MAGI2: variants seen among roughly 807,000 people sequenced by gnomAD.
MAGI2 encodes membrane associated guanylate kinase, WW and PDZ domain containing 2, also known as membrane-associated guanylate kinase, WW and PDZ domain-containing protein 2.
MAGI2 carries 35 observed loss-of-function variants against 133.3 expected under a neutral mutation model. The ratio of observed to expected loss-of-function variants is 0.26; its 90% CI spans 0.20 to 0.35. The LOEUF is 0.35. Among genes scored for constraint, MAGI2 ranks in the 10% least tolerant of loss-of-function variants. MAGI2 has a pLI of 1.00. For missense variants in MAGI2, 1,636 were observed against 1,863.4 expected (o/e 0.88, Z 2.25); for synonymous variants, 729 against 710.6 (o/e 1.03, Z -0.41).
At chr7:78,135,694 T>A (rs6974961) in intron 16 of MAGI2, among the ~76,000 whole-genome samples, 1 of 152,136 alleles carries the variant, frequency 6.6e-6, no homozygotes, top group African/African-American at 2.4e-5. Context: ...TCAATTTCTA[T>A]CCTTTTATTA....
chr7:78,617,597 A>G (rs1807247907), intron 3 of MAGI2: 1 of 152,096 alleles, frequency 6.6e-6, no homozygotes, highest in African/African-American at 2.4e-5. Context: ...TGAATATTCT[A>G]TAACATGATT....
intron 2 of MAGI2, among the ~76,000 whole-genome samples, chr7:78,825,524 G>T (rs1315133866): frequency 6.6e-6 from 1 of 151,978 alleles, no homozygotes; most frequent in Non-Finnish European, 1.5e-5. Context: ...TCATTTTAAG[G>T]CACTATTTAA....
rs1584284188 is a variant in MAGI2, at chr7:78,887,558, T to A, written c.418+119532A>T. 2.6e-5 allele frequency among the ~76,000 whole-genome samples: 4 copies of A among 152,344 alleles called. 1 individual carries two copies. Among genetic ancestry groups the A allele is most frequent in the Admixed American group, 2.6e-4 (4 of 15,300 alleles). On this transcript the variant is annotated intron_variant, in intron 2 of 21. Coordinates refer to ENST00000354212, the MANE Select transcript of MAGI2 (RefSeq NM_012301.4). ...TGAAAAACAAAACATGCTTTATGAA[T>A]GGCTATATCATCGTAGGTGGCCATT...
At chr7:78,042,768 C>T (rs943298569) in intron 21 of MAGI2, among the ~76,000 whole-genome samples, 6 of 152,336 alleles carry the variant, frequency 3.9e-5, no homozygotes, top group African/African-American at 1.2e-4. Context: ...CTGAAGGCCT[C>T]GGACTGGACT....
At chr7:78,086,935 C>T (rs980184119) in intron 20 of MAGI2, among the ~76,000 whole-genome samples, 14 of 152,168 alleles carry the variant, frequency 9.2e-5, no homozygotes, top group African/African-American at 3.4e-4. Context: ...TGCGTCTGGC[C>T]CTTCCTACCT....
chr7:78,955,750 T>TTTCTTTC (rs1491370881), intron 2 of MAGI2, among the ~76,000 whole-genome samples: 6 of 73,986 alleles, frequency 8.1e-5, no homozygotes, highest in African/African-American at 2.5e-4. Flanking sequence ...TCTTTCTTTC[T>TTTCTTTC]TTCTTTCTTT....
rs186131413 is a variant in MAGI2 at position 79,226,642 on chromosome 7, C to A, written c.302-219436G>T. ...CTTTCCTATCCTCCTTTATTTCTAT[C>A]TTCCATTCTTCTCTTCCACCCTTCC... On this transcript the variant is annotated intron_variant, in intron 1 of 21. Transcript: ENST00000354212. Among the ~76,000 whole-genome samples the A allele has an allele frequency of 1.9e-3, 289 of 152,248 alleles. 1 individual carries two copies. Among genetic ancestry groups the A allele is most frequent in the African/African-American group, 6.7e-3 (279 of 41,560 alleles).
intron 6 of MAGI2, among the ~76,000 whole-genome samples, chr7:78,416,188 T>A (rs906358277): frequency 6.6e-6 from 1 of 152,038 alleles, no homozygotes; most frequent in Non-Finnish European, 1.5e-5. Flanking sequence ...ACAATGAAGA[T>A]TAGCTAGTGG....
At chr7:78,283,232 ATC>A (rs1178061948) in intron 9 of MAGI2, among the ~76,000 whole-genome samples, 2 of 152,150 alleles carry the variant, frequency 1.3e-5, no homozygotes, top group South Asian at 4.1e-4. Context: ...GAAATTACGT[ATC>A]TCAAGAGTCA....
chr7:78,629,539 G>A (rs940257696), intron 2 of MAGI2, among the ~76,000 whole-genome samples: 1 of 151,866 alleles, frequency 6.6e-6, no homozygotes, highest in South Asian at 2.1e-4. Flanking sequence ...CCTTCCTTTA[G>A]TTCACCTTCA....
chr7:79,295,638 C>A (rs1836869821), intron 1 of MAGI2, among the ~76,000 whole-genome samples: 1 of 151,826 alleles, frequency 6.6e-6, no homozygotes, highest in African/African-American at 2.4e-5. Flanking sequence ...GCTTATATCA[C>A]TACTTCATTT....
At chr7:78,654,703 G>GTGTA (rs1481570513) in intron 2 of MAGI2, among the ~76,000 whole-genome samples, 7 of 118,444 alleles carry the variant, frequency 5.9e-5, no homozygotes, top group African/African-American at 1.6e-4. Flanking sequence ...TTACATATAT[G>GTGTA]TATATATATA....
intron 6 of MAGI2, among the ~76,000 whole-genome samples, chr7:78,479,929 A>G (rs1424180485): frequency 6.6e-6 from 1 of 152,000 alleles, no homozygotes; most frequent in Non-Finnish European, 1.5e-5. Flanking sequence ...CTAAATAGAA[A>G]TTACAGAATG....
chr7:78,499,383 G>C (rs1176748177), intron 5 of MAGI2, among the ~76,000 whole-genome samples: 2 of 152,128 alleles, frequency 1.3e-5, no homozygotes, highest in African/African-American at 2.4e-5. Context: ...AGAAATTGTT[G>C]ACCAAGTGTT....
chr7:79,078,955 C>T (rs1477965696), intron 1 of MAGI2, among the ~76,000 whole-genome samples: 1 of 152,100 alleles, frequency 6.6e-6, no homozygotes, highest in Non-Finnish European at 1.5e-5. Context: ...AATTAAAATA[C>T]TTCCATTCTT....
chr7:78,856,784 T>C (rs1160943754), intron 2 of MAGI2, among the ~76,000 whole-genome samples: 3 of 152,188 alleles, frequency 2.0e-5, no homozygotes, highest in African/African-American at 7.2e-5. Context: ...TCCAATTCTG[T>C]GAAGAAAGTC....
At chr7:78,594,624 A>C (rs922262271) in intron 3 of MAGI2, among the ~76,000 whole-genome samples, 1 of 152,024 alleles carries the variant, frequency 6.6e-6, no homozygotes. Context: ...TGCCCAGCTA[A>C]TTTTTGTATT....
chr7:79,007,196 A>T lies in MAGI2; in HGVS notation c.312T>A (p.Val104=), dbSNP rs1807542022. ...TGAGGTAGTGACGAAGGTCTTTATC[A>T]ACAATTCCTCCTAAAAATAAAAAAA... ...RLKCVKQGGI[V]DKDLRHYLNL... The change falls in exon 2 of 22, where the codon GTT becomes GTA. Residue 104 remains valine, a synonymous_variant. Coordinates refer to ENST00000354212, the MANE Select transcript of MAGI2 (RefSeq NM_012301.4). 1 of 1,599,028 alleles carries T rather than the reference A, an allele frequency of 6.3e-7. No individual in the cohort carries two copies. The highest frequency in any genetic ancestry group is 8.5e-7 in the Non-Finnish European group (1 of 1,172,254).
At chr7:78,870,403 T>C (rs187174934) in intron 2 of MAGI2, among the ~76,000 whole-genome samples, 1 of 150,018 alleles carries the variant, frequency 6.7e-6, no homozygotes, top group East Asian at 2.0e-4. Flanking sequence ...GAATAGACAA[T>C]TCTCAAAAGA....
Sources: gnomAD v4.1 joint callset for allele counts (sites outside exome capture counted in the v4.1 genomes callset) on GRCh38, gnomAD v4.1.1 for gene constraint, MANE v1.5 for transcripts, NCBI Gene and HGNC (gene_info 2026-07-23, HGNC 2026-07-21) for gene names.